Variants in EPS15 observed in about 807,000 individuals in gnomAD.
EPS15 encodes the protein epidermal growth factor receptor substrate 15.
In EPS15, 72 loss-of-function variants were observed where a neutral mutation model predicts 113.8. That is an observed-to-expected ratio of 0.63 (90% CI 0.52 to 0.77). The LOEUF (loss-of-function observed/expected upper bound fraction) is 0.77. Among genes scored for constraint, EPS15 ranks in the 30% least tolerant of loss-of-function variants. The probability of loss-of-function intolerance (pLI) is 0.00; values close to 1 mark genes in which losing one functional copy is unlikely to be tolerated. For missense variants in EPS15, 1,048 were observed against 1,045.8 expected (o/e 1.00, Z -0.03); for synonymous variants, 344 against 363.4 (o/e 0.95, Z 0.61).
At chr1:51,357,391 A>AAATATAT (rs1491245303) in intron 24 of EPS15, among the ~76,000 whole-genome samples, 2 of 65,732 alleles carry the variant, frequency 3.0e-5, no homozygotes, top group African/African-American at 7.0e-5. Context: ...AAAAAAAAAA[A>AAATATAT]ATATATATAT....
chr1:51,388,131 C>A (rs1195328424), intron 21 of EPS15, among the ~76,000 whole-genome samples: 1 of 152,178 alleles, frequency 6.6e-6, no homozygotes, highest in East Asian at 1.9e-4. Flanking sequence ...TCTCAGACCA[C>A]AGTGCAATCA....
intron 1 of EPS15, among the ~76,000 whole-genome samples, chr1:51,509,318 C>A (rs777984383): frequency 6.6e-6 from 1 of 151,944 alleles, no homozygotes; most frequent in Admixed American, 6.6e-5. Context: ...ATGAAGTTAT[C>A]AATAATCCTT....
rs774757769 is a variant in EPS15, at chr1:51,399,155, A to C, written c.1929T>G (p.Gly643=). ...GATCTGAACCTTTGAAAGGATCACC[A>C]CCAAATGGATCTAAAAAAATAAGGC... ...DDPFGKIDPF[G]GDPFKGSDPF... Residue 643 remains glycine (G), a synonymous_variant, in exon 20 of 25, where the codon GGT becomes GGG. Coordinates refer to ENST00000371733, the MANE Select transcript of EPS15 (RefSeq NM_001981.3). The C allele has an allele frequency of 6.2e-7, 1 of 1,612,018 alleles. No homozygotes were observed. Among genetic ancestry groups the C allele is most frequent in the South Asian group, 1.1e-5 (1 of 90,780 alleles).
At chr1:51,435,235 T>C (rs1362429635) in intron 12 of EPS15, among the ~76,000 whole-genome samples, 1 of 152,108 alleles carries the variant, frequency 6.6e-6, no homozygotes, top group Non-Finnish European at 1.5e-5. Context: ...TTGCCTAAGC[T>C]GGAGTGATCT....
chr1:51,384,486 G>A (rs1402824169), intron 21 of EPS15, among the ~76,000 whole-genome samples: 1 of 151,506 alleles, frequency 6.6e-6, no homozygotes, highest in Admixed American at 6.6e-5. Context: ...TTTTTTTGTA[G>A]AGACAGAGTC....
chr1:51,417,250 T>A (rs971815766), intron 13 of EPS15, among the ~76,000 whole-genome samples: 10 of 152,168 alleles, frequency 6.6e-5, no homozygotes, highest in African/African-American at 9.7e-5. Context: ...AATCTTATGA[T>A]GAAACATAAA....
At chr1:51,517,459 G>A (rs903095839) in intron 1 of EPS15, among the ~76,000 whole-genome samples, 5 of 152,166 alleles carry the variant, frequency 3.3e-5, no homozygotes, top group Non-Finnish European at 2.9e-5. Context: ...TATTACCCAG[G>A]GAGAGAATAA....
Position 51,490,356 on chromosome 1 carries a change from G to C in EPS15, c.34-9042C>G, listed in dbSNP as rs149178932. The C allele has an allele frequency of 4.4e-3, 1,891 of 428,266 alleles. 8 individuals are homozygous for C. The highest frequency in any genetic ancestry group is 7.3e-3 in the Non-Finnish European group (1,569 of 214,770). 26.5% of individuals were successfully genotyped at this position (428,266 alleles called of 1,614,324 possible). On this transcript the variant is annotated intron_variant, in intron 1 of 24. Transcript: ENST00000371733. ...CAAAGCGGGCAAATCACGAGGTCAG[G>C]AGTTCAAGACCAGCCTGACCATCAT...
rs1646222869 is a variant in EPS15, at chr1:51,356,597, T to A, written c.*103A>T. 1 of 1,003,246 alleles carries A rather than the reference T, an allele frequency of 1.0e-6. No homozygotes were observed. Among genetic ancestry groups the A allele is most frequent in the Non-Finnish European group, 1.4e-6 (1 of 713,134 alleles). The allele number at this position is 1,003,246 out of a possible 1,614,324, so 62.1% of individuals were successfully genotyped here. A position where few individuals can be genotyped will look rare whatever the true frequency, so the allele number is the denominator to read the frequency against. The stretch of plus-strand genomic sequence containing the variant: ...GTCACATTTACAGGAATCTCAAACC[T>A]TTTGTATTCCCATGCTCACAGGTAG... On this transcript the variant is annotated 3_prime_UTR_variant, in exon 25 of 25. Transcript: ENST00000371733.
intron 21 of EPS15, among the ~76,000 whole-genome samples, chr1:51,384,636 C>T (rs1484810988): frequency 6.6e-6 from 1 of 151,824 alleles, no homozygotes; most frequent in Admixed American, 6.6e-5. Context: ...CTGTGCCCAG[C>T]CCAAAGCAGT....
At chr1:51,374,132 G>T (rs1353318294) in intron 21 of EPS15, among the ~76,000 whole-genome samples, 1 of 152,174 alleles carries the variant, frequency 6.6e-6, no homozygotes, top group Non-Finnish European at 1.5e-5. Flanking sequence ...TCCTGCTGGA[G>T]TCAAAGATGC....
At chr1:51,406,464 G>C (rs1261812628) in intron 15 of EPS15, among the ~76,000 whole-genome samples, 2 of 152,022 alleles carry the variant, frequency 1.3e-5, no homozygotes, top group African/African-American at 4.8e-5. Flanking sequence ...ATGAGACCCT[G>C]TCTCAAAAAA....
At chr1:51,479,203 C>T (rs572924063) in intron 2 of EPS15, among the ~76,000 whole-genome samples, 3 of 152,032 alleles carry the variant, frequency 2.0e-5, no homozygotes, top group South Asian at 4.2e-4. Flanking sequence ...TCATTTCATT[C>T]GAGCTTCAAC....
chr1:51,454,822 C>T (rs1653854930), intron 8 of EPS15, among the ~76,000 whole-genome samples: 1 of 151,730 alleles, frequency 6.6e-6, no homozygotes. Context: ...GACAGATGTA[C>T]CATGGTAATG....
In EPS15 at chr1:51,363,969, A is replaced by G. The variant is rs541058917; in HGVS notation, c.2256T>C (p.Ile752=). The change falls in exon 23 of 25, where the codon ATT becomes ATC. Residue 752 remains isoleucine (I), a synonymous_variant. Transcript: ENST00000371733. ...ATGTTTCCTCAAATACATTTTTTGT[A>G]ATCACTACGTTGCTGACAGAGCTCG... ...ATSSSVSNVV[I]TKNVFEETSV... 97 of 1,613,976 alleles carry G rather than the reference A, an allele frequency of 6.0e-5. No homozygotes were observed. In the Middle Eastern group the frequency reaches 6.6e-4, roughly 11 times the overall value.
chr1:51,428,655 T>C (rs1476837017), intron 12 of EPS15, among the ~76,000 whole-genome samples: 1 of 151,788 alleles, frequency 6.6e-6, no homozygotes, highest in Non-Finnish European at 1.5e-5. Flanking sequence ...AGTGAAACCC[T>C]GTCTCCACTA....
intron 21 of EPS15, among the ~76,000 whole-genome samples, chr1:51,375,285 G>A (rs747363279): frequency 5.9e-5 from 9 of 152,170 alleles, no homozygotes; most frequent in Non-Finnish European, 1.3e-4. Flanking sequence ...ACAGGCGTGA[G>A]CCACCGCGCC....
chr1:51,364,369 A>G (rs775109748), intron 22 of EPS15, among the ~76,000 whole-genome samples: 2 of 152,196 alleles, frequency 1.3e-5, no homozygotes, highest in Non-Finnish European at 2.9e-5. Context: ...CCGCAAACGA[A>G]TATCTGATCT....
chr1:51,369,851 T>A (rs1439745293), intron 21 of EPS15, among the ~76,000 whole-genome samples: 1 of 152,212 alleles, frequency 6.6e-6, no homozygotes, highest in African/African-American at 2.4e-5. Flanking sequence ...AGCTGTATCC[T>A]CAAGGCCTAG....
Sources: gnomAD v4.1 joint callset for allele counts (sites outside exome capture counted in the v4.1 genomes callset) on GRCh38, gnomAD v4.1.1 for gene constraint, MANE v1.5 for transcripts, NCBI Gene and HGNC (gene_info 2026-07-23, HGNC 2026-07-21) for gene names.